Variants in OR3A2 observed in about 807,000 individuals in gnomAD.
OR3A2 encodes olfactory receptor family 3 subfamily A member 2.
For synonymous variants in OR3A2, 126 were observed against 159.3 expected, an observed-to-expected ratio of 0.79 and a Z score of 1.57; for missense variants, 318 against 392.8, an observed-to-expected ratio of 0.81 and a Z score of 1.61.
At chr17:3,369,382 T>C (rs4093212) in intron 2 of OR3A2, among the ~76,000 whole-genome samples, 36,147 of 152,106 alleles carry the variant, frequency 0.24, 5,029 homozygotes, top group East Asian at 0.52. Context: ...TTGTGATAGA[T>C]GGCTTTTATT....
In OR3A2 at chr17:3,332,422, A is replaced by C. The variant is rs553126598; in HGVS notation, c.-85+3611T>G. ...AGGATATAATCTCATGGTGTGCTGC[A>C]GTCCGAAAAGCGCAATATTCGGGTG... On this transcript the variant is annotated intron_variant, in intron 3 of 4. Transcript: ENST00000573491. 1.6e-3 allele frequency among the ~76,000 whole-genome samples: 238 copies of C among 151,394 alleles called. 1 individual carries two copies. Among genetic ancestry groups the C allele is most frequent in the Non-Finnish European group, 2.8e-3 (192 of 67,484 alleles).
At position 3,311,607 on chromosome 17, in the gene OR3A2, C is replaced by A; in HGVS notation, c.-85+24426G>T. 1 of 392,972 alleles carries A rather than the reference C, an allele frequency of 2.5e-6. No homozygotes were observed. The highest frequency in any genetic ancestry group is 2.1e-5 in the South Asian group (1 of 47,808). The allele number at this position is 392,972 out of a possible 1,614,324, so 24.3% of individuals were successfully genotyped here. On this transcript the variant is annotated intron_variant, in intron 3 of 4. Transcript: ENST00000573491. This position sits in a 1 kb window ranked among gnomAD's most constrained non-coding sequence, Gnocchi z 4.6. ...GGCAGCTGCTGCTTGTGGGGGCCAC[C>A]TTCATAGGAGTGATCCCCATGATCT...
rs182401460 is a variant in OR3A2, at chr17:3,314,107, A to G, written c.-85+21926T>C. Reference sequence around the variant, plus strand: ...TTCCTAACTTTGTGCATGAAATGCAATATCATTTCTCCTCAAACAAAAAAA... The same window carrying G: ...TTCCTAACTTTGTGCATGAAATGCAGTATCATTTCTCCTCAAACAAAAAAA... On this transcript the variant is annotated intron_variant, in intron 3 of 4. Coordinates refer to the OR3A2 transcript ENST00000573491. Among the ~76,000 whole-genome samples the G allele has an allele frequency of 2.0e-5, 3 of 152,350 alleles. No homozygotes were observed. In the East Asian group the frequency reaches 5.8e-4, roughly 29 times the overall value.
Position 3,372,184 on chromosome 17 carries a change from C to T in OR3A2, c.-179+11620G>A, listed in dbSNP as rs1433743853. 4.8e-4 allele frequency among the ~76,000 whole-genome samples: 72 copies of T among 148,474 alleles called. No homozygotes were observed. In the South Asian group the frequency reaches 0.014, roughly 28 times the overall value. On this transcript the variant is annotated intron_variant, in intron 2 of 4. Coordinates refer to the OR3A2 transcript ENST00000573491. ...GTAGAGGTGCTCCTCACATCCCAGA[C>T]GGGGCAGCGGGGCAGAGGCGCTCCC...
intron 3 of OR3A2, among the ~76,000 whole-genome samples, chr17:3,301,784 G>A (rs2048967999): frequency 6.6e-6 from 1 of 152,106 alleles, no homozygotes; most frequent in Non-Finnish European, 1.5e-5. Flanking sequence ...GTCCTGAATG[G>A]TATTGTCTAG....
chr17:3,277,030 T>C (rs1192410579), downstream of OR3A2: 1 of 151,746 alleles, frequency 6.6e-6, no homozygotes, highest in Non-Finnish European at 1.5e-5. Context: ...TTCACGCCAT[T>C]CTCCTGCCTC....
At chr17:3,353,922 T>G (rs1195828321) in intron 2 of OR3A2, among the ~76,000 whole-genome samples, 3 of 151,608 alleles carry the variant, frequency 2.0e-5, no homozygotes, top group African/African-American at 4.8e-5. Flanking sequence ...CATTTTTTTT[T>G]GTACCCATTA....
chr17:3,322,209 G>A (rs937841145), intron 3 of OR3A2, among the ~76,000 whole-genome samples: 11 of 152,102 alleles, frequency 7.2e-5, no homozygotes, highest in Admixed American at 2.6e-4. Flanking sequence ...CTGTGGGATC[G>A]GTGGTGATAT....
At chr17:3,386,217 G>T (rs1202223447) in exon 1 of OR3A2, 4 of 398,674 alleles carry the variant, frequency 1.0e-5, no homozygotes, top group Non-Finnish European at 1.8e-5. Flanking sequence ...CCTTCCAGGC[G>T]TGCTTTGCCG....
Position 3,299,451 on chromosome 17 carries a change from A to T in OR3A2, c.-84-20298T>A, listed in dbSNP as rs186873932. Among the ~76,000 whole-genome samples the T allele has an allele frequency of 5.1e-3, 777 of 152,258 alleles. 3 individuals are homozygous for T. Among genetic ancestry groups the T allele is most frequent in the African/African-American group, 0.018 (740 of 41,548 alleles). The stretch of plus-strand genomic sequence containing the variant: ...ATGACTTTGGAATTGGTGGTAGAAG[A>T]GCTGAGTTCAGTTAGGAGGGACCAA... On this transcript the variant is annotated intron_variant, in intron 3 of 4. Transcript: ENST00000573491.
intron 2 of OR3A2, among the ~76,000 whole-genome samples, chr17:3,342,975 C>T (rs1275002372): frequency 1.3e-5 from 2 of 152,224 alleles, no homozygotes; most frequent in Non-Finnish European, 2.9e-5. Context: ...GACGCCCCTC[C>T]TCCAGCCAGG....
chr17:3,284,762 T>C (rs2048797594), upstream of OR3A2, among the ~76,000 whole-genome samples: 1 of 143,074 alleles, frequency 7.0e-6, no homozygotes, highest in Admixed American at 7.1e-5. Flanking sequence ...GACTTGCCTA[T>C]GTCCTCAAAG....
At chr17:3,376,269 A>AG (rs1330897525) in intron 2 of OR3A2, among the ~76,000 whole-genome samples, 1 of 152,190 alleles carries the variant, frequency 6.6e-6, no homozygotes, top group African/African-American at 2.4e-5. Context: ...CAGCTACGAT[A>AG]GTAGAAGGGG....
intron 3 of OR3A2, among the ~76,000 whole-genome samples, chr17:3,315,048 T>C (rs1185895712): frequency 2.6e-5 from 4 of 152,238 alleles, no homozygotes; most frequent in Admixed American, 2.6e-4. Context: ...TAGTATTCCA[T>C]AGTGTATATG....
chr17:3,350,301 A>G (rs1358707371), intron 2 of OR3A2, among the ~76,000 whole-genome samples: 3 of 151,140 alleles, frequency 2.0e-5, no homozygotes, highest in African/African-American at 7.3e-5. Context: ...CTAATAAAGA[A>G]AAAAAGAGAT....
intron 2 of OR3A2, among the ~76,000 whole-genome samples, chr17:3,349,540 G>C (rs1013273248): frequency 5.3e-5 from 8 of 152,108 alleles, no homozygotes; most frequent in African/African-American, 1.4e-4. Flanking sequence ...AGCAAGTCCT[G>C]AGTGATCTAC....
chr17:3,375,252 C>T lies in OR3A2; in HGVS notation c.-179+8552G>A, dbSNP rs12937541. On this transcript the variant is annotated intron_variant, in intron 2 of 4. Transcript: ENST00000573491. Reference sequence around the variant, plus strand: ...TTTCTTTTTTTTTTTTTTTCCCCCCCTTTTTGAGATAGTCTCACTTGGTCA... The same window carrying T: ...TTTCTTTTTTTTTTTTTTTCCCCCCTTTTTTGAGATAGTCTCACTTGGTCA... Among the ~76,000 whole-genome samples the T allele has an allele frequency of 2.8e-3, 150 of 54,452 alleles. 3 individuals are homozygous for T. Among genetic ancestry groups the T allele is most frequent in the Middle Eastern group, 0.026 (2 of 78 alleles). 35.7% of individuals were successfully genotyped at this position (54,452 alleles called of 152,430 possible).
chr17:3,334,135 G>C (rs1445206596), intron 3 of OR3A2, among the ~76,000 whole-genome samples: 2 of 152,222 alleles, frequency 1.3e-5, no homozygotes, highest in African/African-American at 4.8e-5. Flanking sequence ...AGAGAAAAAG[G>C]AGCGCTTTTA....
upstream of OR3A2, among the ~76,000 whole-genome samples, chr17:3,286,994 C>G (rs1382198753): frequency 1.3e-5 from 2 of 152,168 alleles, no homozygotes; most frequent in Admixed American, 1.3e-4. Context: ...ATGCCCATGC[C>G]TATGTCCTGA....
Sources: allele counts gnomAD v4.1 joint callset (sites outside exome capture counted in the v4.1 genomes callset), GRCh38; gene constraint gnomAD v4.1.1; non-coding constraint Gnocchi (gnomAD v3.1); transcripts MANE v1.5; gene names NCBI Gene and HGNC (gene_info 2026-07-23, HGNC 2026-07-21).